COASY: variants seen among roughly 807,000 people sequenced by gnomAD.
The protein encoded by COASY is Coenzyme A synthase, also known as bifunctional coenzyme A synthase.
In COASY, 31 loss-of-function variants were observed where a neutral mutation model predicts 49.4. The ratio of observed to expected loss-of-function variants is 0.63; its 90% CI spans 0.47 to 0.85. The LOEUF (loss-of-function observed/expected upper bound fraction) is 0.85. Among genes scored for constraint, COASY ranks in the 40% least tolerant of loss-of-function variants. The pLI is 0.00. For synonymous variants in COASY, 285 were observed against 310.9 expected, an observed-to-expected ratio of 0.92 and a Z score of 0.88; for missense variants, 730 against 734.1, an observed-to-expected ratio of 0.99 and a Z score of 0.06.
In COASY at chr17:42,564,836, G is replaced by A; in HGVS notation, c.1175G>A (p.Gly392Asp). 1 of 1,574,602 alleles carries A rather than the reference G, an allele frequency of 6.4e-7. No individual in the cohort carries two copies. Among genetic ancestry groups the A allele is most frequent in the Admixed American group, 1.9e-5 (1 of 53,086 alleles). Residue 392 changes from glycine (G) to aspartate (D), a missense_variant, in exon 4 of 9, where the codon GGT (glycine) becomes GAT (aspartate). Transcript: ENST00000393818. ...GAFVIDSDHL[G>D]HRAYAPGGPA... ...TTTGTCATTGACAGTGACCACCTGG[G>A]TCATCGGGCCTATGCCCCAGGTGGC...
chr17:42,564,060 T>TC lies in COASY; in HGVS notation c.805dup (p.Leu269ProfsTer11), dbSNP rs769118653. ...AAGCCCTCCTTGACTTTTGATGTCA[T>TC]CCCCCTGCTGGACCCCTATGGGCCC... On this transcript the variant is annotated frameshift_variant, in exon 2 of 9. Coordinates refer to ENST00000393818, the MANE Select transcript of COASY (RefSeq NM_025233.7). LOFTEE classifies it high-confidence loss of function. The TC allele has an allele frequency of 6.2e-7, 1 of 1,614,078 alleles. No individual in the cohort carries two copies. The highest frequency in any genetic ancestry group is 2.2e-5 in the East Asian group (1 of 44,884).
In COASY at chr17:42,565,223, C is replaced by A; in HGVS notation, c.1303-4C>A. Reference sequence around the variant, plus strand: ...TAACCTCTGCCCTCTGTTCCCCTCCCCAGAAGCAGCTGAAGATACTCACGG... The same window carrying A: ...TAACCTCTGCCCTCTGTTCCCCTCCACAGAAGCAGCTGAAGATACTCACGG... On this transcript the variant is annotated splice_region_variant and splice_polypyrimidine_tract_variant and intron_variant, in intron 5 of 8. Transcript: ENST00000393818. 6.2e-7 allele frequency: 1 copy of A among 1,614,046 alleles called. No individual in the cohort carries two copies. The highest frequency in any genetic ancestry group is 8.5e-7 in the Non-Finnish European group (1 of 1,179,994).
chr17:42,564,886 G>A lies in COASY; in HGVS notation c.1225G>A (p.Ala409Thr). ...GGPAYQPVVE[A>T]FGTDILHKDG... ...CCCTGCCTACCAGCCTGTGGTGGAGGCCTTTGGAACAGGTAATAACTGGGG... is the reference window on the plus strand; with the variant it reads ...CCCTGCCTACCAGCCTGTGGTGGAGACCTTTGGAACAGGTAATAACTGGGG... Residue 409 changes from alanine to threonine, a missense_variant, in exon 4 of 9, where the codon GCC (alanine) becomes ACC (threonine). Transcript: ENST00000393818. 1 of 1,608,438 alleles carries A rather than the reference G, an allele frequency of 6.2e-7. No homozygotes were observed. The highest frequency in any genetic ancestry group is 1.1e-5 in the South Asian group (1 of 90,650).
Position 42,564,594 on chromosome 17 carries a change from C to T in COASY, c.1047+17C>T. Reference sequence around the variant, plus strand: ...CCTCCATATGTAAGCTCCTCTCCCTCCTTCCCTCCTGCTTGGTGTCCTGGC... The same window carrying T: ...CCTCCATATGTAAGCTCCTCTCCCTTCTTCCCTCCTGCTTGGTGTCCTGGC... On this transcript the variant is annotated intron_variant, in intron 3 of 8. Transcript: ENST00000393818. 2 of 1,600,472 alleles carry T rather than the reference C, an allele frequency of 1.2e-6. No homozygotes were observed. Among genetic ancestry groups the T allele is most frequent in the Non-Finnish European group, 1.7e-6 (2 of 1,172,502 alleles).
At chr17:42,563,447 GGT>G (rs2092987708) in intron 1 of COASY, 125 bp downstream of exon 1, 13 of 933,006 alleles carry the variant, frequency 1.4e-5, no homozygotes, top group Non-Finnish European at 1.9e-5. Flanking sequence ...ATGTCACAGT[GGT>G]TGACACTCAA....
rs755354716 is a variant in COASY, at chr17:42,562,573, C to G, written c.-50C>G. The G allele has an allele frequency of 6.4e-7, 1 of 1,559,250 alleles. No homozygotes were observed. Among genetic ancestry groups the G allele is most frequent in the Non-Finnish European group, 8.7e-7 (1 of 1,155,376 alleles). On this transcript the variant is annotated 5_prime_UTR_variant, in exon 1 of 9. Coordinates refer to ENST00000393818, the MANE Select transcript of COASY (RefSeq NM_025233.7). ...CAGGCCTCTGCCTCGGCCGCAGGCCCTTCAGTCACCGTCGCCTCGTCTCCC... is the reference window on the plus strand; with the variant it reads ...CAGGCCTCTGCCTCGGCCGCAGGCCGTTCAGTCACCGTCGCCTCGTCTCCC...
chr17:42,563,069 G>A lies in COASY; in HGVS notation c.447G>A (p.Ser149=), dbSNP rs150292156. 3 of 1,614,020 alleles carry A rather than the reference G, an allele frequency of 1.9e-6. No homozygotes were observed. The highest frequency in any genetic ancestry group is 1.7e-5 in the Admixed American group (1 of 60,002). Reference sequence around the variant, plus strand: ...ACAGCTGTTGTCCGCGACTGGCCTCGGTGCTGCTATACTCCGATTATGGGA... The same window carrying A: ...ACAGCTGTTGTCCGCGACTGGCCTCAGTGCTGCTATACTCCGATTATGGGA... The part of the protein sequence containing the change: ...SCYSCCPRLA[S]VLLYSDYGIG... Residue 149 remains serine (S), a synonymous_variant, in exon 1 of 9, where the codon TCG becomes TCA. Transcript: ENST00000393818.
chr17:42,565,608 C>T, intron 7 of COASY, 40 bp downstream of exon 7: 3 of 1,614,044 alleles, frequency 1.9e-6, no homozygotes, highest in Non-Finnish European at 2.5e-6. Flanking sequence ...TACTGCAGAT[C>T]CTATCCTGTG....
Position 42,564,490 on chromosome 17 carries a change from C to T in COASY, c.960C>T (p.Asp320=). The change falls in exon 3 of 9, where the codon GAC becomes GAT. Residue 320 remains aspartate, a synonymous_variant. Transcript: ENST00000393818. ...LALYQIQLLK[D]LRHTENEEDK... ...TGTACCAGATCCAGCTGCTGAAGGA[C>T]CTCAGACATACAGAGAATGAAGAGG... The T allele has an allele frequency of 6.2e-7, 1 of 1,613,600 alleles. No homozygotes were observed. The highest frequency in any genetic ancestry group is 8.5e-7 in the Non-Finnish European group (1 of 1,179,686).
In COASY at chr17:42,565,211, C is replaced by T. The variant is rs2092996336; in HGVS notation, c.1303-16C>T. ...TTCTAGAGAAGGTAACCTCTGCCCT[C>T]TGTTCCCCTCCCCAGAAGCAGCTGA... On this transcript the variant is annotated splice_polypyrimidine_tract_variant and intron_variant, in intron 5 of 8. Coordinates refer to ENST00000393818, the MANE Select transcript of COASY (RefSeq NM_025233.7). The T allele has an allele frequency of 3.7e-6, 6 of 1,613,758 alleles. No individual in the cohort carries two copies. Among genetic ancestry groups the T allele is most frequent in the Admixed American group, 3.3e-5 (2 of 60,026 alleles).
Position 42,562,226 on chromosome 17 carries a change from A to C in COASY, c.-397A>C, listed in dbSNP as rs1169255685. On this transcript the variant is annotated 5_prime_UTR_variant, in exon 1 of 9. Transcript: ENST00000393818. ...CCCAAGCCTTGAGGTTTCAGTGAGT[A>C]GGGGGCCGACGTGAGCTTTAGCGTC... 5.5e-6 allele frequency: 3 copies of C among 545,154 alleles called. No homozygotes were observed. The highest frequency in any genetic ancestry group is 6.5e-6 in the Non-Finnish European group (2 of 307,722). The allele number at this position is 545,154 out of a possible 1,614,324, so 33.8% of individuals were successfully genotyped here. A position where few individuals can be genotyped will look rare whatever the true frequency, so the allele number is the denominator to read the frequency against.
chr17:42,564,606 C>G, intron 3 of COASY, 29 bp downstream of exon 3: 1 of 1,590,768 alleles, frequency 6.3e-7, no homozygotes, highest in Non-Finnish European at 8.6e-7. Flanking sequence ...TTCCCTCCTG[C>G]TTGGTGTCCT....
chr17:42,562,888 A>G lies in COASY; in HGVS notation c.266A>G (p.Asn89Ser). The G allele has an allele frequency of 1.9e-6, 3 of 1,611,974 alleles. No individual in the cohort carries two copies. Among genetic ancestry groups the G allele is most frequent in the East Asian group, 2.2e-5 (1 of 44,778 alleles). Residue 89 changes from asparagine (N) to serine (S), a missense_variant, in exon 1 of 9, where the codon AAT becomes AGT. Transcript: ENST00000393818. Reference sequence around the variant, plus strand: ...TTGGACGTCAGAATCCTACTGACCAATATCCGAACCAAGAGCACCTTTCTC... The same window carrying G: ...TTGGACGTCAGAATCCTACTGACCAGTATCCGAACCAAGAGCACCTTTCTC... ...RHLDVRILLT[N>S]IRTKSTFLPP...
Position 42,563,282 on chromosome 17 carries a change from G to T in COASY, c.660G>T (p.Glu220Asp), listed in dbSNP as rs1037958091. ...LLSVACILAQ[E>D]QLVVGVADKD... ...GTGTCGCGTGCATCCTGGCCCAGGA[G>T]CAGCTTGTGGTGGGAGTAGCAGACA... The change falls in exon 1 of 9, where the codon GAG (glutamate) becomes GAT (aspartate). Residue 220 changes from glutamate to aspartate, a missense_variant. Glu to Asp is a conservative substitution (Grantham distance 45, BLOSUM62 2). Transcript: ENST00000393818. The T allele has an allele frequency of 6.2e-6, 10 of 1,605,250 alleles. No homozygotes were observed. In the African/African-American group the frequency reaches 1.3e-4, roughly 21 times the overall value.
chr17:42,565,107 G>C (rs987367551), intron 5 of COASY, 60 bp downstream of exon 5: 2 of 1,593,512 alleles, frequency 1.3e-6, no homozygotes, highest in Non-Finnish European at 1.7e-6. Context: ...TCAGGGTCCA[G>C]TGGACCTCTC....
Position 42,566,066 on chromosome 17 carries a change from G to T in COASY, c.*98G>T, listed in dbSNP as rs1427264198. ...TGATGCTCACCCTGGTTCAGGCCCA[G>T]AGGTCCAAGCTATACTGTGCAGGAC... On this transcript the variant is annotated 3_prime_UTR_variant, in exon 9 of 9. Transcript: ENST00000393818. The T allele has an allele frequency of 2.3e-6, 3 of 1,310,166 alleles. No homozygotes were observed. The African/African-American group carries it at 4.4e-5, about 19-fold the overall frequency. 81.2% of individuals were successfully genotyped at this position (1,310,166 alleles called of 1,614,324 possible).
In COASY at chr17:42,564,159, G is replaced by A. The variant is rs769804661; in HGVS notation, c.899G>A (p.Arg300His). 3.1e-6 allele frequency: 5 copies of A among 1,613,918 alleles called. No individual in the cohort carries two copies. The highest frequency in any genetic ancestry group is 1.3e-5 in the African/African-American group (1 of 74,914). ...ETYRGGMAINRFRLENDLEEL... is the reference protein window; with the variant it reads ...ETYRGGMAINHFRLENDLEEL... ...TATCGTGGGGGGATGGCCATCAACC[G>A]CTTCCGCCTTGAGAATGTAACCCCT... The change falls in exon 2 of 9, where the codon CGC becomes CAC. Residue 300 changes from arginine to histidine, a missense_variant. Transcript: ENST00000393818.
At position 42,562,664 on chromosome 17, in the gene COASY, G is replaced by A. The variant is rs1230409598; in HGVS notation, c.42G>A (p.Pro14=). ...CGGGTCTCCTGGTGCTGACGACGCCGCTGGCCTCCCTAGCCCCTCGCCTGG... is the reference window on the plus strand; with the variant it reads ...CGGGTCTCCTGGTGCTGACGACGCCACTGGCCTCCCTAGCCCCTCGCCTGG... ...FRSGLLVLTT[P]LASLAPRLAS... Residue 14 remains proline (P), a synonymous_variant, in exon 1 of 9, where the codon CCG becomes CCA. Coordinates refer to ENST00000393818, the MANE Select transcript of COASY (RefSeq NM_025233.7). 1.3e-6 allele frequency: 2 copies of A among 1,523,956 alleles called. No individual in the cohort carries two copies. The highest frequency in any genetic ancestry group is 1.4e-5 in the African/African-American group (1 of 72,404). 94.4% of individuals were successfully genotyped at this position (1,523,956 alleles called of 1,614,324 possible).
chr17:42,566,188 T>C lies in COASY; in HGVS notation c.*220T>C. ...CATGGGGGAGCAGTCCCCTCCCCAC[T>C]CTTGCCCATGGGTGACTCTTACCCA... On this transcript the variant is annotated 3_prime_UTR_variant, in exon 9 of 9. Transcript: ENST00000393818. 1.7e-6 allele frequency: 1 copy of C among 588,042 alleles called. No homozygotes were observed. 36.4% of individuals were successfully genotyped at this position (588,042 alleles called of 1,614,324 possible).
Sources: allele counts gnomAD v4.1 joint callset, GRCh38; gene constraint gnomAD v4.1.1; transcripts MANE v1.5; gene names NCBI Gene and HGNC (gene_info 2026-07-23, HGNC 2026-07-21).